Variants in CAPN13 observed in about 807,000 individuals in gnomAD.
CAPN13 encodes the protein calpain 13.
CAPN13 carries 90 observed loss-of-function variants against 98.4 expected under a neutral mutation model. That is an observed-to-expected ratio of 0.92 (90% CI 0.77 to 1.09). The LOEUF (loss-of-function observed/expected upper bound fraction) is 1.09. CAPN13 is among the 50% of genes least tolerant of loss of function. CAPN13 has a pLI of 0.00. For synonymous variants in CAPN13, 330 were observed against 305.5 expected, an observed-to-expected ratio of 1.08 and a Z score of -0.84; for missense variants, 887 against 841.3, an observed-to-expected ratio of 1.05 and a Z score of -0.67.
chr2:30,736,904 G>T (rs1671394579), intron 17 of CAPN13, among the ~76,000 whole-genome samples: 1 of 152,174 alleles, frequency 6.6e-6, no homozygotes, highest in African/African-American at 2.4e-5. Context: ...GAGCACGAAG[G>T]GTCATGGCAA....
chr2:30,747,749 A>G (rs1259150989), intron 11 of CAPN13, among the ~76,000 whole-genome samples: 1 of 152,184 alleles, frequency 6.6e-6, no homozygotes, highest in Non-Finnish European at 1.5e-5. Flanking sequence ...TGGCAGGTAC[A>G]TTGTTGTTTC....
intron 7 of CAPN13, among the ~76,000 whole-genome samples, chr2:30,758,392 T>A (rs1365772431): frequency 6.6e-6 from 1 of 152,222 alleles, no homozygotes; most frequent in Non-Finnish European, 1.5e-5. Context: ...ACTTCATCAT[T>A]CCCTAAGACT....
chr2:30,760,874 T>TCTGCCTCTGACC (rs1672817727), intron 7 of CAPN13, among the ~76,000 whole-genome samples: 1 of 152,218 alleles, frequency 6.6e-6, no homozygotes, highest in Non-Finnish European at 1.5e-5. Flanking sequence ...GGCCTCTGAC[T>TCTGCCTCTGACC]CTGCCTCTGA....
At chr2:30,800,145 A>AAAGAAAGAAAGAAAGG (rs1675159409) in intron 1 of CAPN13, among the ~76,000 whole-genome samples, 1 of 148,628 alleles carries the variant, frequency 6.7e-6, no homozygotes, top group Non-Finnish European at 1.5e-5. Context: ...AGAAAGAAAG[A>AAAGAAAGAAAGAAAGG]AAGAAAGAAA....
chr2:30,726,756 G>T (rs2103477682), intron 22 of CAPN13, among the ~76,000 whole-genome samples: 1 of 152,146 alleles, frequency 6.6e-6, no homozygotes, highest in Middle Eastern at 3.4e-3. Context: ...TGGAACAAAA[G>T]ATTTTATATT....
At position 30,738,405 on chromosome 2, in the gene CAPN13, A is replaced by T. The variant is rs1164754341; in HGVS notation, c.1589T>A (p.Leu530Gln). 1.9e-6 allele frequency: 3 copies of T among 1,609,202 alleles called. No homozygotes were observed. ...TGCCCTTGGGCTGCTCATACCTGTT[A>T]GAAGCTCCTGGTTGAGAAGGCCCTG... is the stretch of plus-strand genomic sequence containing the variant. ...QLQGLLNQEL[L>Q]TGPPGDMFSL... is the part of the protein sequence containing the mutation. The change falls in exon 16 of 23, where the codon CTA becomes CAA. Residue 530 changes from leucine (L) to glutamine (Q), a missense_variant. Transcript: ENST00000295055.
chr2:30,800,436 C>T (rs1256665969), intron 1 of CAPN13, among the ~76,000 whole-genome samples: 1 of 152,210 alleles, frequency 6.6e-6, no homozygotes, highest in East Asian at 1.9e-4. Context: ...GCTCAGAGAG[C>T]TCTGCTGATG....
rs1439701491 is a variant in CAPN13, at chr2:30,743,516, T to A, written c.1312A>T (p.Asn438Tyr). The A allele has an allele frequency of 6.2e-7, 1 of 1,613,982 alleles. No individual in the cohort carries two copies. Residue 438 changes from asparagine (N) to tyrosine (Y), a missense_variant, in exon 13 of 23, where the codon AAT becomes TAT. Asn to Tyr is a moderately radical substitution (Grantham distance 143). Transcript: ENST00000295055. ...GTGAAGTTGCGGCGGAATTTATTAT[T>A]TGAGCTTTGGACAGTGTTTCTGAAC... ...SSFRNTVQSS[N>Y]NKFRRNFTMT...
intron 10 of CAPN13, among the ~76,000 whole-genome samples, 160 bp downstream of exon 10, chr2:30,752,893 G>C (rs1020333994): frequency 1.3e-5 from 2 of 152,184 alleles, no homozygotes; most frequent in African/African-American, 4.8e-5. Flanking sequence ...ATTTTACTTA[G>C]AGGAGCAGTC....
chr2:30,774,015 AAC>A, intron 4 of CAPN13, among the ~76,000 whole-genome samples: 1 of 148,648 alleles, frequency 6.7e-6, no homozygotes, highest in Non-Finnish European at 1.5e-5. Flanking sequence ...ATTATAATAA[AAC>A]AGAGACTCAG....
At chr2:30,731,881 G>A (rs1030566207) in intron 20 of CAPN13, among the ~76,000 whole-genome samples, 4 of 152,206 alleles carry the variant, frequency 2.6e-5, no homozygotes, top group Non-Finnish European at 4.4e-5. Context: ...GTGGCATGGC[G>A]GTGAGAGGAT....
At chr2:30,737,999 AC>A (rs2147959128) in intron 17 of CAPN13, 1 of 551,530 alleles carries the variant, frequency 1.8e-6, no homozygotes, top group East Asian at 3.2e-5. Context: ...ACACACACAC[AC>A]ACACACCCCA....
chr2:30,724,663 C>T (rs1278899159), intron 22 of CAPN13, among the ~76,000 whole-genome samples: 1 of 152,208 alleles, frequency 6.6e-6, no homozygotes, highest in African/African-American at 2.4e-5. Flanking sequence ...CTGGTAACCA[C>T]CAGGTGTATG....
chr2:30,804,567 T>C (rs775296649), intron 1 of CAPN13, among the ~76,000 whole-genome samples: 2 of 152,172 alleles, frequency 1.3e-5, no homozygotes, highest in Non-Finnish European at 2.9e-5. Flanking sequence ...AAATATTTGA[T>C]CATAAATGCT....
At chr2:30,728,081 C>A (rs1670921964) in intron 22 of CAPN13, among the ~76,000 whole-genome samples, 1 of 151,586 alleles carries the variant, frequency 6.6e-6, no homozygotes, top group Non-Finnish European at 1.5e-5. Context: ...TGAATCTAAT[C>A]ATATGAAATG....
chr2:30,731,630 A>C (rs1307007145), intron 20 of CAPN13, among the ~76,000 whole-genome samples: 1 of 152,114 alleles, frequency 6.6e-6, no homozygotes, highest in African/African-American at 2.4e-5. Flanking sequence ...TGCTCTGCCC[A>C]CACGCCTCTC....
At chr2:30,778,770 T>G (rs1442353187) in intron 2 of CAPN13, among the ~76,000 whole-genome samples, 1 of 152,054 alleles carries the variant, frequency 6.6e-6, no homozygotes, top group Non-Finnish European at 1.5e-5. Context: ...CTGCTTTCTC[T>G]ACAACTAACT....
In CAPN13 at chr2:30,764,189, C is replaced by G. The variant is rs776304293; in HGVS notation, c.642G>C (p.Lys214Asn). The change falls in exon 6 of 23, where the codon AAG (lysine) becomes AAC (asparagine). Residue 214 changes from lysine to asparagine, a missense_variant. Coordinates refer to ENST00000295055, the MANE Select transcript of CAPN13 (RefSeq NM_144575.3). ...CTGCCTTGGTCGCTGTCTTCACTGC[C>G]TTCACCAGGTCCACAGGGGAAGAGT... ...HLHSSPVDLV[K>N]AVKTATKAGS... 9 of 1,606,392 alleles carry G rather than the reference C, an allele frequency of 5.6e-6. No individual in the cohort carries two copies. The African/African-American group carries it at 1.2e-4, about 21-fold the overall frequency.
At chr2:30,751,064 A>C in intron 11 of CAPN13, 39 bp downstream of exon 11, 1 of 1,605,730 alleles carries the variant, frequency 6.2e-7, no homozygotes, top group Non-Finnish European at 8.5e-7. Context: ...GTTTACACTA[A>C]ATTTCTACAA....
Sources: gnomAD v4.1 joint callset for allele counts (sites outside exome capture counted in the v4.1 genomes callset) on GRCh38, gnomAD v4.1.1 for gene constraint, MANE v1.5 for transcripts, NCBI Gene and HGNC (gene_info 2026-07-23, HGNC 2026-07-21) for gene names.